Variants in CYP7B1 observed in about 807,000 individuals in gnomAD.
CYP7B1 encodes cytochrome P450 7B1.
A neutral mutation model predicts 42.7 loss-of-function variants in CYP7B1; 29 were observed. That is an observed-to-expected ratio of 0.68 (90% CI 0.51 to 0.93). CYP7B1 has a LOEUF of 0.93. CYP7B1 is among the 40% of genes least tolerant of loss of function. CYP7B1 has a pLI of 0.00. For synonymous variants in CYP7B1, 235 were observed against 218.2 expected (o/e 1.08, Z -0.68); for missense variants, 655 against 600.5 (o/e 1.09, Z -0.95).
chr8:64,710,120 C>G (rs1292185345), intron 1 of CYP7B1, among the ~76,000 whole-genome samples: 1 of 152,132 alleles, frequency 6.6e-6, no homozygotes, highest in African/African-American at 2.4e-5. Flanking sequence ...TCAGTACCAG[C>G]CCCTGTGATT....
chr8:64,588,337 C>T (rs891213084), downstream of CYP7B1, among the ~76,000 whole-genome samples: 1 of 152,158 alleles, frequency 6.6e-6, no homozygotes, highest in Admixed American at 6.5e-5. Flanking sequence ...AATGGTATCA[C>T]TGGTTATATA....
At chr8:64,608,452 G>T (rs2129630015) in intron 4 of CYP7B1, among the ~76,000 whole-genome samples, 1 of 152,306 alleles carries the variant, frequency 6.6e-6, no homozygotes, top group Admixed American at 6.5e-5. Flanking sequence ...TGTTAATTTG[G>T]GTCATCTTAA....
chr8:64,590,011 C>A (rs148861172), downstream of CYP7B1, among the ~76,000 whole-genome samples: 1 of 152,284 alleles, frequency 6.6e-6, no homozygotes, highest in African/African-American at 2.4e-5. Flanking sequence ...CACAGCACAG[C>A]CATTGGGCAT....
At chr8:64,627,148 A>G (rs1805620933) in intron 1 of CYP7B1, among the ~76,000 whole-genome samples, 1 of 152,246 alleles carries the variant, frequency 6.6e-6, no homozygotes, top group Admixed American at 6.5e-5. Flanking sequence ...ACATACTTAG[A>G]AATAGGAAAA....
At chr8:64,670,817 G>A (rs1225237188) in intron 1 of CYP7B1, among the ~76,000 whole-genome samples, 2 of 152,098 alleles carry the variant, frequency 1.3e-5, no homozygotes, top group African/African-American at 4.8e-5. Context: ...CCTCCTGTAG[G>A]TCTTTGCTCA....
intron 2 of CYP7B1, among the ~76,000 whole-genome samples, chr8:64,624,024 G>T (rs1240358514): frequency 6.6e-6 from 1 of 152,040 alleles, no homozygotes; most frequent in Non-Finnish European, 1.5e-5. Flanking sequence ...GGAACTCTCT[G>T]AACTACTAAA....
intron 1 of CYP7B1, among the ~76,000 whole-genome samples, chr8:64,792,005 A>G (rs1244782657): frequency 6.6e-6 from 1 of 152,218 alleles, no homozygotes; most frequent in East Asian, 1.9e-4. Flanking sequence ...AAAAATAAAC[A>G]GTAGAAATAG....
At chr8:64,624,569 C>G (rs746921443) in intron 1 of CYP7B1, 30 bp from the exon 2 acceptor site, 2 of 1,608,348 alleles carry the variant, frequency 1.2e-6, no homozygotes, top group Non-Finnish European at 1.7e-6. Context: ...GATAAAAGAA[C>G]AAAAGAAAAA....
intron 1 of CYP7B1, among the ~76,000 whole-genome samples, chr8:64,718,219 G>A (rs142440218): frequency 4.7e-4 from 71 of 152,094 alleles, no homozygotes; most frequent in African/African-American, 1.6e-3. Context: ...CTACCTCTTC[G>A]TTCATCATTA....
chr8:64,670,974 C>T (rs957275176), intron 1 of CYP7B1, among the ~76,000 whole-genome samples: 3 of 152,036 alleles, frequency 2.0e-5, no homozygotes, highest in African/African-American at 7.3e-5. Flanking sequence ...ATGTGTCTTC[C>T]CACCTGGGTC....
chr8:64,596,931 T>C lies in CYP7B1; in HGVS notation c.1234-2A>G. 6.2e-7 allele frequency: 1 copy of C among 1,604,006 alleles called. No homozygotes were observed. Among genetic ancestry groups the C allele is most frequent in the Non-Finnish European group, 8.5e-7 (1 of 1,172,898 alleles). On this transcript the variant is annotated splice_acceptor_variant, in intron 5 of 5. Transcript: ENST00000310193. LOFTEE classifies it high-confidence loss of function. ...TATAAAACGATCATATCTAAACTCC[T>C]GTAAGGAAGAATAGTGTTAAAATTA...
chr8:64,798,707 C>G lies in CYP7B1; in HGVS notation c.-120G>C. The G allele has an allele frequency of 8.8e-7, 1 of 1,132,374 alleles. No homozygotes were observed. The highest frequency in any genetic ancestry group is 1.2e-6 in the Non-Finnish European group (1 of 856,060). 70.1% of individuals were successfully genotyped at this position (1,132,374 alleles called of 1,614,324 possible). A position where few individuals can be genotyped will look rare whatever the true frequency, so the allele number is the denominator to read the frequency against. On this transcript the variant is annotated 5_prime_UTR_variant, in exon 1 of 6. Transcript: ENST00000310193. Reference sequence around the variant, plus strand: ...GCCCCCTAGTCCAGGGCCGGAGAGGCTGGCCTGCCCGCAGCGCAGACAGGA... The same window carrying G: ...GCCCCCTAGTCCAGGGCCGGAGAGGGTGGCCTGCCCGCAGCGCAGACAGGA...
At position 64,747,646 on chromosome 8, in the gene CYP7B1, GT is replaced by G. The variant is rs1181313615; in HGVS notation, c.122+50819del. ...ATCCATGTATAAGTGGAACCGTGCA[GT>G]TCAAATCCATGTTGTTCAAGGGCAA... On this transcript the variant is annotated intron_variant, in intron 1 of 5. Transcript: ENST00000310193. 9.2e-5 allele frequency among the ~76,000 whole-genome samples: 14 copies of G among 151,812 alleles called. No homozygotes were observed. The East Asian group carries it at 2.7e-3, about 29-fold the overall frequency.
intron 1 of CYP7B1, among the ~76,000 whole-genome samples, chr8:64,721,926 A>G (rs1807242704): frequency 6.6e-6 from 1 of 152,184 alleles, no homozygotes; most frequent in South Asian, 2.1e-4. Context: ...GTTTATAGAA[A>G]TTTGATTATT....
At chr8:64,702,482 T>C (rs1806931992) in intron 1 of CYP7B1, among the ~76,000 whole-genome samples, 1 of 152,094 alleles carries the variant, frequency 6.6e-6, no homozygotes, top group Admixed American at 6.6e-5. Flanking sequence ...TTCTGCTTCC[T>C]GTGACTTCGT....
intron 1 of CYP7B1, among the ~76,000 whole-genome samples, chr8:64,710,040 C>A (rs890733991): frequency 3.3e-5 from 5 of 152,018 alleles, no homozygotes; most frequent in African/African-American, 1.2e-4. Context: ...GCACTCGGCT[C>A]ATTTTTCTGA....
intron 1 of CYP7B1, among the ~76,000 whole-genome samples, chr8:64,748,658 G>C (rs1204072348): frequency 2.6e-5 from 4 of 152,030 alleles, no homozygotes; most frequent in Non-Finnish European, 5.9e-5. Flanking sequence ...GTATTCTTCA[G>C]GGTTCTATTG....
chr8:64,619,747 G>A (rs1805499519), intron 2 of CYP7B1, among the ~76,000 whole-genome samples: 2 of 152,062 alleles, frequency 1.3e-5, no homozygotes, highest in Admixed American at 1.3e-4. Flanking sequence ...ATAATTCAAA[G>A]TATGTTGGTA....
intron 1 of CYP7B1, among the ~76,000 whole-genome samples, chr8:64,767,758 C>A (rs778309214): frequency 1.3e-5 from 2 of 152,188 alleles, no homozygotes; most frequent in Non-Finnish European, 2.9e-5. Context: ...CTTTAACCTC[C>A]TTGTTTAAGC....
Sources: gnomAD v4.1 joint callset for allele counts (sites outside exome capture counted in the v4.1 genomes callset) on GRCh38, gnomAD v4.1.1 for gene constraint, MANE v1.5 for transcripts, NCBI Gene and HGNC (gene_info 2026-07-23, HGNC 2026-07-21) for gene names.